Variants in TSC22D2 observed in about 807,000 individuals in gnomAD.
The protein encoded by TSC22D2 is TSC22 domain family protein 2.
A neutral mutation model predicts 50.1 loss-of-function variants in TSC22D2; 5 were observed. The ratio of observed to expected loss-of-function variants is 0.10; its 90% CI spans 0.05 to 0.21. TSC22D2 has a LOEUF of 0.21. Among genes scored for constraint, TSC22D2 ranks in the 10% least tolerant of loss-of-function variants. The pLI, the probability that TSC22D2 is intolerant of heterozygous loss-of-function variation, is 1.00. For synonymous variants in TSC22D2, 501 were observed against 450.1 expected (o/e 1.11, Z -1.43); for missense variants, 1,003 against 1,015.5 (o/e 0.99, Z 0.17).
intron 1 of TSC22D2, among the ~76,000 whole-genome samples, chr3:150,420,325 C>A (rs1281669681): frequency 2.0e-5 from 3 of 152,140 alleles, no homozygotes; most frequent in Non-Finnish European, 4.4e-5. Flanking sequence ...GATAACATCC[C>A]AGTTATAGTA....
chr3:150,437,660 T>G (rs1417547620), intron 1 of TSC22D2, among the ~76,000 whole-genome samples: 2 of 150,718 alleles, frequency 1.3e-5, no homozygotes, highest in Admixed American at 6.6e-5. Context: ...AAAAAAAAAT[T>G]AGCCAGGCGT....
chr3:150,417,842 T>C (rs1193823614), intron 1 of TSC22D2, among the ~76,000 whole-genome samples: 2 of 151,996 alleles, frequency 1.3e-5, no homozygotes, highest in African/African-American at 4.8e-5. Context: ...AAAAAGGAGA[T>C]GATGTTTTAG....
intron 1 of TSC22D2, among the ~76,000 whole-genome samples, chr3:150,453,265 T>C (rs995853061): frequency 6.6e-6 from 1 of 151,732 alleles, no homozygotes; most frequent in African/African-American, 2.4e-5. Flanking sequence ...TATAGTATTA[T>C]AACATTAGGT....
intron 1 of TSC22D2, among the ~76,000 whole-genome samples, chr3:150,425,504 G>A (rs895894500): frequency 3.3e-5 from 5 of 152,248 alleles, no homozygotes; most frequent in Non-Finnish European, 7.4e-5. Context: ...TGACAAGAGC[G>A]AAACTCCATC....
At chr3:150,433,769 T>C (rs1720450239) in intron 1 of TSC22D2, among the ~76,000 whole-genome samples, 1 of 152,230 alleles carries the variant, frequency 6.6e-6, no homozygotes, top group Non-Finnish European at 1.5e-5. Flanking sequence ...TAATATATTA[T>C]GGTTTCTTTA....
Position 150,409,622 on chromosome 3 carries a change from A to T in TSC22D2, c.272A>T (p.Asp91Val). The change falls in exon 1 of 3, where the codon GAT becomes GTT. Residue 91 changes from aspartate to valine, a missense_variant. By Grantham distance (152) the Asp-to-Val change is radical. Around this residue, in one of 6 missense-constraint regions of TSC22D2, gnomAD observed 200 missense variants for 182.8 expected, o/e 1.09. Transcript: ENST00000688009. The surrounding 1 kb of genome is among the most constrained non-coding windows in gnomAD (Gnocchi z 7.4). ...PGTVSPNLLL[D>V]GQLAAAAAAP... ...ACCGTCTCCCCAAACCTCCTCCTAG[A>T]TGGGCAGCTGGCAGCGGCGGCTGCT... 6.2e-7 allele frequency: 1 copy of T among 1,609,784 alleles called. No homozygotes were observed. The highest frequency in any genetic ancestry group is 8.5e-7 in the Non-Finnish European group (1 of 1,177,606).
intron 1 of TSC22D2, among the ~76,000 whole-genome samples, chr3:150,429,992 T>C (rs1232185781): frequency 1.3e-5 from 2 of 152,146 alleles, no homozygotes; most frequent in African/African-American, 4.8e-5. Context: ...TCTCCTATAA[T>C]TAAATACTAG....
At chr3:150,456,988 G>A (rs1721210152) in intron 1 of TSC22D2, 88 bp from the exon 2 acceptor site, 2 of 1,205,556 alleles carry the variant, frequency 1.7e-6, no homozygotes, top group East Asian at 4.8e-5. Context: ...TTGGTTTTAA[G>A]TGAAACACAA....
intron 1 of TSC22D2, among the ~76,000 whole-genome samples, chr3:150,435,084 TCTC>T (rs1197071015): frequency 5.9e-5 from 9 of 152,098 alleles, no homozygotes; most frequent in Non-Finnish European, 1.2e-4. Context: ...TTCAAGCAAT[TCTC>T]CTACCTCAGC....
chr3:150,451,847 A>G (rs879696926), intron 1 of TSC22D2, among the ~76,000 whole-genome samples: 1 of 152,132 alleles, frequency 6.6e-6, no homozygotes, highest in Non-Finnish European at 1.5e-5. Context: ...AAAGTAGTCA[A>G]AATATGTCCA....
chr3:150,431,224 CAAAAAAAA>C (rs71138443), intron 1 of TSC22D2, among the ~76,000 whole-genome samples: 8 of 27,970 alleles, frequency 2.9e-4, no homozygotes, highest in East Asian at 1.7e-3. Flanking sequence ...GGCTCTGTCT[CAAAAAAAA>C]AAAAAAAAAA....
chr3:150,409,258 C>A lies in TSC22D2; in HGVS notation c.-93C>A, dbSNP rs777062843. 9.1e-6 allele frequency: 13 copies of A among 1,436,272 alleles called. No homozygotes were observed. In the African/African-American group the frequency reaches 1.7e-4, roughly 19 times the overall value. The allele number at this position is 1,436,272 out of a possible 1,614,324, so 89.0% of individuals were successfully genotyped here. On this transcript the variant is annotated 5_prime_UTR_variant, in exon 1 of 3. Transcript: ENST00000688009. The surrounding 1 kb of genome is among the most constrained non-coding windows in gnomAD (Gnocchi z 7.4). ...CCTCAGACCCCAGCGCAGACTCGGA[C>A]TTTGTCTTTGGGGGCCCGTGCTCTG...
intron 1 of TSC22D2, among the ~76,000 whole-genome samples, chr3:150,447,025 CA>C (rs1245683575): frequency 1.3e-5 from 2 of 151,962 alleles, no homozygotes; most frequent in African/African-American, 4.8e-5. Context: ...AAAAGATGAG[CA>C]AAAATTATGT....
chr3:150,421,370 A>T (rs961263236), intron 1 of TSC22D2, among the ~76,000 whole-genome samples: 4 of 152,104 alleles, frequency 2.6e-5, no homozygotes, highest in African/African-American at 9.7e-5. Context: ...TTGAATGTTC[A>T]ATTGGTTCAG....
At chr3:150,444,566 G>C (rs1720818781) in intron 1 of TSC22D2, among the ~76,000 whole-genome samples, 2 of 152,174 alleles carry the variant, frequency 1.3e-5, no homozygotes, top group African/African-American at 4.8e-5. Flanking sequence ...CATCTCAAGT[G>C]ACAGTCTTAT....
chr3:150,423,866 A>AT (rs1485493250), intron 1 of TSC22D2, among the ~76,000 whole-genome samples: 2 of 152,210 alleles, frequency 1.3e-5, no homozygotes, highest in Non-Finnish European at 2.9e-5. Context: ...AGTTCAAACA[A>AT]TGTTTTTAAA....
chr3:150,436,662 G>C (rs1720553622), intron 1 of TSC22D2, among the ~76,000 whole-genome samples: 1 of 152,134 alleles, frequency 6.6e-6, no homozygotes, highest in African/African-American at 2.4e-5. Context: ...CATAAATATG[G>C]ATTTTTGCCT....
chr3:150,457,202 G>A (rs1721217922), intron 2 of TSC22D2, 75 bp downstream of exon 2: 3 of 1,378,326 alleles, frequency 2.2e-6, no homozygotes, highest in Non-Finnish European at 3.0e-6. Context: ...GTCAGTTTTA[G>A]AAAACAAATA....
At position 150,409,697 on chromosome 3, in the gene TSC22D2, C is replaced by G; in HGVS notation, c.347C>G (p.Ala116Gly). The change falls in exon 1 of 3, where the codon GCG becomes GGG. Residue 116 changes from alanine to glycine, a missense_variant. By Grantham distance (60) the Ala-to-Gly change is moderately conservative. Transcript: ENST00000688009. This position sits in a 1 kb window ranked among gnomAD's most constrained non-coding sequence, Gnocchi z 7.4. ...GTTTCGGCCCGGAGCGTGTCTGGGG[C>G]GCTCGCCAGTACCCTGGCGGCGGCT... ...GVVSARSVSG[A>G]LASTLAAAAT... is the part of the protein sequence containing the mutation. 1 of 1,587,238 alleles carries G rather than the reference C, an allele frequency of 6.3e-7. No homozygotes were observed. Among genetic ancestry groups the G allele is most frequent in the Non-Finnish European group, 8.6e-7 (1 of 1,169,282 alleles).
Sources: allele counts gnomAD v4.1 joint callset (sites outside exome capture counted in the v4.1 genomes callset), GRCh38; gene constraint gnomAD v4.1.1; regional missense constraint gnomAD v4.1.1; non-coding constraint Gnocchi (gnomAD v3.1); transcripts MANE v1.5; gene names NCBI Gene and HGNC (gene_info 2026-07-23, HGNC 2026-07-21).